CHRM5: variants seen among roughly 807,000 people sequenced by gnomAD.
CHRM5 encodes cholinergic receptor muscarinic 5.
In CHRM5, 18 loss-of-function variants were observed where a neutral mutation model predicts 39.0. That is an observed-to-expected ratio of 0.46 (90% CI 0.32 to 0.68). The LOEUF (loss-of-function observed/expected upper bound fraction) is 0.68. CHRM5 is among the 30% of genes least tolerant of loss of function. The pLI, the probability that CHRM5 is intolerant of heterozygous loss-of-function variation, is 0.04. For synonymous variants in CHRM5, 241 were observed against 246.3 expected, an observed-to-expected ratio of 0.98 and a Z score of 0.20; for missense variants, 515 against 651.1, an observed-to-expected ratio of 0.79 and a Z score of 2.28.
chr15:34,050,580 C>G (rs889212094), intron 2 of CHRM5, among the ~76,000 whole-genome samples: 3 of 152,052 alleles, frequency 2.0e-5, no homozygotes, highest in Non-Finnish European at 4.4e-5. Context: ...TGCCAAGACC[C>G]ATCAGTATGC....
intron 1 of CHRM5, among the ~76,000 whole-genome samples, chr15:34,042,531 G>T (rs1899514896): frequency 6.6e-6 from 1 of 151,218 alleles, no homozygotes. Flanking sequence ...TTCCTGAGTA[G>T]CTAGGATTAC....
At chr15:34,044,248 C>G (rs1412497769) in intron 1 of CHRM5, among the ~76,000 whole-genome samples, 1 of 152,176 alleles carries the variant, frequency 6.6e-6, no homozygotes, top group African/African-American at 2.4e-5. Flanking sequence ...ACTCCTCAAG[C>G]CTTTTGTGCC....
At chr15:34,047,356 C>T (rs1899743541) in intron 2 of CHRM5, among the ~76,000 whole-genome samples, 1 of 152,186 alleles carries the variant, frequency 6.6e-6, no homozygotes, top group Admixed American at 6.5e-5. Context: ...GGATTACAGG[C>T]GTGAGCCACC....
chr15:34,022,819 T>G (rs1397084609), intron 1 of CHRM5, among the ~76,000 whole-genome samples: 1 of 152,212 alleles, frequency 6.6e-6, no homozygotes, highest in East Asian at 1.9e-4. Flanking sequence ...ATGAGATTTC[T>G]CTTGGATTTT....
At position 34,062,616 on chromosome 15, in the gene CHRM5, A is replaced by G. The variant is rs1900379004; in HGVS notation, c.-75-27A>G. On this transcript the variant is annotated intron_variant, in intron 2 of 2. Coordinates refer to ENST00000383263, the MANE Select transcript of CHRM5 (RefSeq NM_012125.4). ...GACAAGAAAATCATGCTGGTGTGCGAAGCTAATGTGTTTCCCTCTCTTCCA... is the reference window on the plus strand; with the variant it reads ...GACAAGAAAATCATGCTGGTGTGCGGAGCTAATGTGTTTCCCTCTCTTCCA... 4 of 1,029,906 alleles carry G rather than the reference A, an allele frequency of 3.9e-6. No individual in the cohort carries two copies. In the East Asian group the frequency reaches 9.6e-5, roughly 25 times the overall value. 63.8% of individuals were successfully genotyped at this position (1,029,906 alleles called of 1,614,324 possible).
At chr15:34,056,800 T>TGAGGCCAGGAGTTC (rs1900169993) in intron 2 of CHRM5, among the ~76,000 whole-genome samples, 1 of 151,974 alleles carries the variant, frequency 6.6e-6, no homozygotes, top group Admixed American at 6.6e-5. Flanking sequence ...GCAGATCACT[T>TGAGGCCAGGAGTTC]GAGGCCAGGA....
intron 1 of CHRM5, among the ~76,000 whole-genome samples, chr15:34,045,701 TA>T (rs879353266): frequency 2.6e-3 from 352 of 137,910 alleles, no homozygotes; most frequent in African/African-American, 6.5e-3. Context: ...AAGCTTCTCA[TA>T]AAAAAAAAAA....
intron 1 of CHRM5, among the ~76,000 whole-genome samples, chr15:34,015,756 G>T (rs9806373): frequency 0.18 from 27,382 of 151,202 alleles, 4,073 homozygotes; most frequent in African/African-American, 0.41. Flanking sequence ...CGTCTCACAC[G>T]GATCTTCACT....
At chr15:34,037,126 T>G (rs11856633) in intron 1 of CHRM5, among the ~76,000 whole-genome samples, 22,216 of 135,598 alleles carry the variant, frequency 0.16, 2,071 homozygotes, top group Middle Eastern at 0.28. Flanking sequence ...AAAAAAAAAA[T>G]ATATACCATC....
At chr15:34,059,440 C>T (rs1156792921) in intron 2 of CHRM5, among the ~76,000 whole-genome samples, 1 of 152,194 alleles carries the variant, frequency 6.6e-6, no homozygotes, top group African/African-American at 2.4e-5. Context: ...GACTAATGCT[C>T]CCCAACACCT....
intron 1 of CHRM5, among the ~76,000 whole-genome samples, chr15:34,023,181 G>GA (rs983274134): frequency 1.1e-3 from 153 of 144,814 alleles, no homozygotes; most frequent in Middle Eastern, 7.2e-3. Flanking sequence ...CTCGGTCTCA[G>GA]AAAAAAAAAA....
chr15:34,039,138 C>G, intron 1 of CHRM5: 1 of 1,016,594 alleles, frequency 9.8e-7, no homozygotes, highest in Non-Finnish European at 1.2e-6. Context: ...GGAGGAGCCG[C>G]GAGCGAAAGG....
Position 33,968,818 on chromosome 15 carries a change from A to G in CHRM5, c.-740A>G, listed in dbSNP as rs1320117455. On this transcript the variant is annotated 5_prime_UTR_variant, in exon 1 of 3. Coordinates refer to ENST00000383263, the MANE Select transcript of CHRM5 (RefSeq NM_012125.4). ...CAGGGGGTCAAATGCATATAGGAAC[A>G]ACCAGGATTTCTCATTGCTGAAGCA... 2 of 152,130 alleles carry G rather than the reference A, an allele frequency of 1.3e-5. No homozygotes were observed. The highest frequency in any genetic ancestry group is 2.9e-5 in the Non-Finnish European group (2 of 67,978). The allele number at this position is 152,130 out of a possible 1,614,324, so 9.4% of individuals were successfully genotyped here.
rs1365348032 is a variant in CHRM5 at position 34,066,728 on chromosome 15, T to C, written c.*2412T>C. The stretch of plus-strand genomic sequence containing the variant: ...TACTTCAGAGGTTGAAGCAGGAGGA[T>C]CGCATGAGCCCAGGAGTTAGAGGTT... On this transcript the variant is annotated 3_prime_UTR_variant, in exon 3 of 3. Coordinates refer to ENST00000383263, the MANE Select transcript of CHRM5 (RefSeq NM_012125.4). 2 of 151,718 alleles carry C rather than the reference T, an allele frequency of 1.3e-5. No individual in the cohort carries two copies. Among genetic ancestry groups the C allele is most frequent in the African/African-American group, 4.9e-5 (2 of 41,228 alleles). The allele number at this position is 151,718 out of a possible 1,614,324, so 9.4% of individuals were successfully genotyped here. A position where few individuals can be genotyped will look rare whatever the true frequency, so the allele number is the denominator to read the frequency against.
chr15:34,035,469 T>G (rs1567480708), intron 1 of CHRM5, among the ~76,000 whole-genome samples: 1 of 152,208 alleles, frequency 6.6e-6, no homozygotes, highest in Non-Finnish European at 1.5e-5. Flanking sequence ...AGGAGCAGTT[T>G]AGAGCAGCAG....
intron 1 of CHRM5, among the ~76,000 whole-genome samples, chr15:34,045,219 G>A (rs754162510): frequency 6.6e-6 from 1 of 151,990 alleles, no homozygotes; most frequent in Non-Finnish European, 1.5e-5. Flanking sequence ...TCTTTTATAT[G>A]CCCCACAGCA....
At chr15:34,058,853 A>G (rs1169163547) in intron 2 of CHRM5, among the ~76,000 whole-genome samples, 1 of 152,188 alleles carries the variant, frequency 6.6e-6, no homozygotes, top group Non-Finnish European at 1.5e-5. Flanking sequence ...ACAAAGTCAT[A>G]GAAATGTAGG....
At chr15:34,052,474 A>G (rs879704499) in intron 2 of CHRM5, among the ~76,000 whole-genome samples, 2 of 152,244 alleles carry the variant, frequency 1.3e-5, no homozygotes, top group African/African-American at 2.4e-5. Flanking sequence ...CCTATTCAAC[A>G]TAGTATTCAA....
At chr15:33,983,192 ATGTGTGTG>A (rs1215911798) in intron 1 of CHRM5, among the ~76,000 whole-genome samples, 5 of 70,296 alleles carry the variant, frequency 7.1e-5, no homozygotes, top group East Asian at 9.1e-4. Flanking sequence ...ACGTGTGTGT[ATGTGTGTG>A]TATATATATA....
Sources: allele counts gnomAD v4.1 joint callset (sites outside exome capture counted in the v4.1 genomes callset), GRCh38; gene constraint gnomAD v4.1.1; transcripts MANE v1.5; gene names NCBI Gene and HGNC (gene_info 2026-07-23, HGNC 2026-07-21).